PARD3: variants seen among roughly 807,000 people sequenced by gnomAD.
PARD3 encodes the protein par-3 family cell polarity regulator, also known as partitioning defective 3 homolog.
Under a neutral mutation model 155.4 loss-of-function variants are expected in PARD3, and 75 were observed. The ratio of observed to expected loss-of-function variants is 0.48; its 90% CI spans 0.40 to 0.58. The LOEUF (loss-of-function observed/expected upper bound fraction) is 0.58, where lower values mean the gene tolerates loss of function less well. PARD3 is among the 20% of genes least tolerant of loss of function. The pLI, the probability that PARD3 is intolerant of heterozygous loss-of-function variation, is 0.00. For synonymous variants in PARD3, 576 were observed against 610.5 expected (o/e 0.94, Z 0.83); for missense variants, 1,642 against 1,721.7 (o/e 0.95, Z 0.82).
chr10:34,495,301 A>T (rs1467285295), intron 3 of PARD3, among the ~76,000 whole-genome samples: 15 of 152,172 alleles, frequency 9.9e-5, no homozygotes, highest in African/African-American at 3.6e-4. Context: ...ACCTCATCCA[A>T]CACACAGTCA....
intron 22 of PARD3, among the ~76,000 whole-genome samples, chr10:34,165,262 C>T (rs1028649927): frequency 6.6e-6 from 1 of 152,136 alleles, no homozygotes; most frequent in Non-Finnish European, 1.5e-5. Flanking sequence ...TTTTAACTTA[C>T]GTGGAGTCTC....
At chr10:34,193,140 C>A (rs187298150) in intron 22 of PARD3, among the ~76,000 whole-genome samples, 4 of 152,288 alleles carry the variant, frequency 2.6e-5, no homozygotes, top group Admixed American at 6.5e-5. Flanking sequence ...TTAAACATTT[C>A]TTTACATGCT....
chr10:34,481,879 T>C (rs1295768139), intron 3 of PARD3, among the ~76,000 whole-genome samples: 4 of 151,992 alleles, frequency 2.6e-5, no homozygotes, highest in African/African-American at 9.7e-5. Context: ...GTCTCCCAAA[T>C]GGGAGTAGAG....
At chr10:34,624,321 T>C (rs2091869288) in intron 2 of PARD3, among the ~76,000 whole-genome samples, 1 of 152,000 alleles carries the variant, frequency 6.6e-6, no homozygotes, top group Non-Finnish European at 1.5e-5. Flanking sequence ...TTGACCCTCA[T>C]CCCACAGCTG....
chr10:34,502,960 C>T (rs1024223800), intron 3 of PARD3, among the ~76,000 whole-genome samples: 1 of 152,124 alleles, frequency 6.6e-6, no homozygotes, highest in Non-Finnish European at 1.5e-5. Context: ...TCCAACTGAA[C>T]CATGGATCAC....
At chr10:34,471,367 G>C (rs1420444971) in intron 3 of PARD3, among the ~76,000 whole-genome samples, 1 of 152,048 alleles carries the variant, frequency 6.6e-6, no homozygotes, top group Non-Finnish European at 1.5e-5. Flanking sequence ...AGAAGAAACA[G>C]AATTAAAAAT....
chr10:34,480,646 G>A (rs1281642733), intron 3 of PARD3, among the ~76,000 whole-genome samples: 2 of 152,048 alleles, frequency 1.3e-5, no homozygotes, highest in African/African-American at 4.8e-5. Context: ...AACAAAGTAG[G>A]AACAAAATGT....
intron 1 of PARD3, among the ~76,000 whole-genome samples, chr10:34,766,395 T>A (rs934631274): frequency 6.6e-6 from 1 of 152,170 alleles, no homozygotes; most frequent in African/African-American, 2.4e-5. Context: ...GAAGCTACCA[T>A]CTGCTTCATA....
chr10:34,595,345 C>T (rs2134411046), intron 2 of PARD3, among the ~76,000 whole-genome samples: 1 of 152,210 alleles, frequency 6.6e-6, no homozygotes, highest in Non-Finnish European at 1.5e-5. Flanking sequence ...TAAGTATTTA[C>T]TGAGTATTCA....
In PARD3 at chr10:34,638,374, G is replaced by C. The variant is rs140432388; in HGVS notation, c.222+57944C>G. ...AGAGGCAAAGTAGGGATCCAGCCAT[G>C]TGTCAGTAACAGTCCCCAATTAGCT... is the stretch of plus-strand genomic sequence containing the variant. On this transcript the variant is annotated intron_variant, in intron 2 of 24. Transcript: ENST00000374788. 5.3e-5 allele frequency among the ~76,000 whole-genome samples: 8 copies of C among 152,256 alleles called. No homozygotes were observed. In the East Asian group the frequency reaches 1.5e-3, roughly 29 times the overall value.
At chr10:34,744,571 T>G (rs1199477317) in intron 1 of PARD3, among the ~76,000 whole-genome samples, 1 of 152,224 alleles carries the variant, frequency 6.6e-6, no homozygotes. Context: ...TGGAATCTCT[T>G]GATTTAACTT....
intron 1 of PARD3, among the ~76,000 whole-genome samples, chr10:34,741,037 T>C (rs1209554413): frequency 6.6e-6 from 1 of 152,136 alleles, no homozygotes; most frequent in Non-Finnish European, 1.5e-5. Context: ...TTATAGCTAA[T>C]TGGAACTGGC....
intron 2 of PARD3, among the ~76,000 whole-genome samples, chr10:34,667,356 G>C (rs1460525261): frequency 3.9e-5 from 6 of 152,162 alleles, no homozygotes; most frequent in African/African-American, 1.4e-4. Flanking sequence ...CAAACCCCAA[G>C]TGTCATTCCA....
At chr10:34,467,060 G>A (rs2078052849) in intron 4 of PARD3, among the ~76,000 whole-genome samples, 1 of 151,942 alleles carries the variant, frequency 6.6e-6, no homozygotes, top group Non-Finnish European at 1.5e-5. Context: ...CTGCTCCATG[G>A]AAGTAAAAAG....
At chr10:34,388,865 C>T (rs1245746665) in intron 7 of PARD3, among the ~76,000 whole-genome samples, 3 of 152,120 alleles carry the variant, frequency 2.0e-5, no homozygotes, top group Admixed American at 6.5e-5. Context: ...AGCAGAACAA[C>T]CCCAGATTTG....
intron 22 of PARD3, among the ~76,000 whole-genome samples, chr10:34,147,674 CTT>C (rs748046589): frequency 7.2e-5 from 11 of 151,760 alleles, no homozygotes; most frequent in Non-Finnish European, 1.6e-4. Context: ...AAAATCCCAA[CTT>C]AATATGATTA....
chr10:34,718,036 C>T (rs180975060), intron 1 of PARD3, among the ~76,000 whole-genome samples: 1 of 151,878 alleles, frequency 6.6e-6, no homozygotes, highest in African/African-American at 2.4e-5. Flanking sequence ...TGCCTGTAAT[C>T]CCAGCTACTT....
chr10:34,291,438 C>T (rs1051157342), intron 20 of PARD3, among the ~76,000 whole-genome samples: 1 of 152,184 alleles, frequency 6.6e-6, no homozygotes, highest in Non-Finnish European at 1.5e-5. Flanking sequence ...TAATTATGCA[C>T]TTGTTGAATG....
rs147428019 is a variant in PARD3 at position 34,659,578 on chromosome 10, A to G, written c.222+36740T>C. 3.5e-3 allele frequency among the ~76,000 whole-genome samples: 539 copies of G among 152,324 alleles called. 5 individuals carry two copies. Among genetic ancestry groups the G allele is most frequent in the Non-Finnish European group, 4.5e-3 (308 of 68,034 alleles). ...TGTAAATGAAGACATAATAGCATAC[A>G]TGAATAAAGGTGTATGAATTCTTTT... On this transcript the variant is annotated intron_variant, in intron 2 of 24. Transcript: ENST00000374788.
Sources: gnomAD v4.1 joint callset for allele counts (sites outside exome capture counted in the v4.1 genomes callset) on GRCh38, gnomAD v4.1.1 for gene constraint, MANE v1.5 for transcripts, NCBI Gene and HGNC (gene_info 2026-07-23, HGNC 2026-07-21) for gene names.